The following BCL10 variants were observed in gnomAD, a reference collection of about 807,000 sequenced individuals.
BCL10 encodes the protein BCL10 immune signaling adaptor.
A neutral mutation model predicts 19.2 loss-of-function variants in BCL10; 5 were observed. That is an observed-to-expected ratio of 0.26 (90% CI 0.14 to 0.55). The LOEUF is 0.55. Among genes scored for constraint, BCL10 ranks in the 20% least tolerant of loss-of-function variants. BCL10 has a pLI of 0.94. For synonymous variants in BCL10, 110 were observed against 98.8 expected, an observed-to-expected ratio of 1.11 and a Z score of -0.67; for missense variants, 201 against 271.9, an observed-to-expected ratio of 0.74 and a Z score of 1.83.
chr1:85,268,986 G>A (rs1660285154), intron 2 of BCL10, among the ~76,000 whole-genome samples: 1 of 152,230 alleles, frequency 6.6e-6, no homozygotes, highest in South Asian at 2.1e-4. Flanking sequence ...GGTTGCCACT[G>A]CAGCAGTGTT....
intron 1 of BCL10, among the ~76,000 whole-genome samples, chr1:85,276,028 G>A (rs1288521425): frequency 6.6e-6 from 1 of 152,238 alleles, no homozygotes; most frequent in Non-Finnish European, 1.5e-5. Context: ...GGAGATGGGT[G>A]AGGAGTGGGC....
At position 85,266,876 on chromosome 1, in the gene BCL10, CAAA is replaced by C. The variant is rs71650007; in HGVS notation, c.*748_*750del. On this transcript the variant is annotated 3_prime_UTR_variant, in exon 3 of 3. Coordinates refer to ENST00000648566, the MANE Select transcript of BCL10 (RefSeq NM_003921.5). ...CCTGGGCGATAGAGCAAGACTGTCT[CAAA>C]AAAAAAAAAAAAAAAAAAAGAAAAA... The C allele has an allele frequency of 2.2e-3, 199 of 88,482 alleles. No individual in the cohort carries two copies. Among genetic ancestry groups the C allele is most frequent in the East Asian group, 0.01 (45 of 4,362 alleles). The allele number at this position is 88,482 out of a possible 1,614,324, so 5.5% of individuals were successfully genotyped here.
Position 85,270,808 on chromosome 1 carries a change from A to C in BCL10, c.156T>G (p.Thr52=). The change falls in exon 2 of 3, where the codon ACT becomes ACG. Residue 52 remains threonine, a synonymous_variant. Coordinates refer to ENST00000648566, the MANE Select transcript of BCL10 (RefSeq NM_003921.5). ...TTGATGTTCGACAAGAAATTTCTTC[A>C]GTGTCTTCTCTACTGAGTATTTTTT... is the stretch of plus-strand genomic sequence containing the variant. ...RAKKILSRED[T]EEISCRTSSR... is the part of the protein sequence containing the mutation. 6.2e-7 allele frequency: 1 copy of C among 1,613,974 alleles called. No homozygotes were observed. Among genetic ancestry groups the C allele is most frequent in the Non-Finnish European group, 8.5e-7 (1 of 1,180,008 alleles).
At chr1:85,269,890 A>T (rs975095115) in intron 2 of BCL10, among the ~76,000 whole-genome samples, 12 of 152,242 alleles carry the variant, frequency 7.9e-5, no homozygotes, top group Non-Finnish European at 1.5e-4. Flanking sequence ...GTTTAAAGTC[A>T]TGAATATTTT....
intron 2 of BCL10, among the ~76,000 whole-genome samples, chr1:85,269,064 G>A (rs1261935242): frequency 2.6e-5 from 4 of 152,192 alleles, no homozygotes; most frequent in Admixed American, 2.6e-4. Flanking sequence ...CCATTATCAC[G>A]GGAATGGGTT....
chr1:85,269,561 C>T (rs1051404460), intron 2 of BCL10, among the ~76,000 whole-genome samples: 1 of 152,200 alleles, frequency 6.6e-6, no homozygotes, highest in Non-Finnish European at 1.5e-5. Flanking sequence ...TTAGATATGG[C>T]TCAAAAGGGA....
intron 1 of BCL10, among the ~76,000 whole-genome samples, chr1:85,274,671 A>G (rs1660466104): frequency 6.6e-6 from 1 of 152,238 alleles, no homozygotes; most frequent in Non-Finnish European, 1.5e-5. Flanking sequence ...TGTAGGATAT[A>G]AAAGTAGATT....
chr1:85,267,851 A>T lies in BCL10; in HGVS notation c.478T>A (p.Ser160Thr), dbSNP rs1258904674. 1.9e-6 allele frequency: 3 copies of T among 1,613,900 alleles called. No homozygotes were observed. Among genetic ancestry groups the T allele is most frequent in the Middle Eastern group, 3.3e-4 (2 of 6,060 alleles). Residue 160 changes from serine (S) to threonine (T), a missense_variant, in exon 3 of 3, where the codon TCC becomes ACC. Around this residue, in one of 3 missense-constraint regions of BCL10, gnomAD observed 126 missense variants for 136.6 expected, o/e 0.92. Transcript: ENST00000648566. Reference protein sequence around the residue: ...STVMYHPEGESSTTPFFSTNS... With the variant: ...STVMYHPEGETSTTPFFSTNS... ...GTAGAAAAAAAGGGCGTCGTGCTGG[A>T]TTCTCCTTCTGGATGGTACATGACA...
At chr1:85,271,074 T>G (rs1334083794) in intron 1 of BCL10, among the ~76,000 whole-genome samples, 168 bp from the exon 2 acceptor site, 1 of 152,186 alleles carries the variant, frequency 6.6e-6, no homozygotes, top group Non-Finnish European at 1.5e-5. Flanking sequence ...TAGACACAAG[T>G]AGGTCCTAGA....
intron 1 of BCL10, among the ~76,000 whole-genome samples, chr1:85,272,185 C>T (rs1026046659): frequency 6.6e-6 from 1 of 152,146 alleles, no homozygotes; most frequent in African/African-American, 2.4e-5. Context: ...CCTTCCCCCT[C>T]CTCAACATTT....
chr1:85,276,145 T>TGC, intron 1 of BCL10, 151 bp downstream of exon 1: 1 of 909,294 alleles, frequency 1.1e-6, no homozygotes, highest in Non-Finnish European at 1.7e-6. Flanking sequence ...GTCCCTCGGA[T>TGC]GCAGGGCTCG....
At chr1:85,271,312 G>A (rs568859221) in intron 1 of BCL10, among the ~76,000 whole-genome samples, 2 of 152,334 alleles carry the variant, frequency 1.3e-5, no homozygotes, top group South Asian at 4.1e-4. Flanking sequence ...AGGTCTCACA[G>A]TCTGTAACTT....
chr1:85,274,740 T>G (rs983592493), intron 1 of BCL10, among the ~76,000 whole-genome samples: 4 of 152,238 alleles, frequency 2.6e-5, no homozygotes, highest in African/African-American at 9.6e-5. Context: ...AATATGTGGA[T>G]AATTTTAAAA....
At position 85,273,896 on chromosome 1, in the gene BCL10, C is replaced by A. The variant is rs571731254; in HGVS notation, c.57+2400G>T. Among the ~76,000 whole-genome samples the A allele has an allele frequency of 7.2e-5, 11 of 152,304 alleles. No individual in the cohort carries two copies. The East Asian group carries it at 1.5e-3, about 21-fold the overall frequency. Reference sequence around the variant, plus strand: ...CCTACTATACTTGGGGGGAAAAAAACCCCAGATACTTTACTAAAAGGCTCT... The same window carrying A: ...CCTACTATACTTGGGGGGAAAAAAAACCCAGATACTTTACTAAAAGGCTCT... On this transcript the variant is annotated intron_variant, in intron 1 of 2. Coordinates refer to ENST00000648566, the MANE Select transcript of BCL10 (RefSeq NM_003921.5).
Position 85,276,427 on chromosome 1 carries a change from C to T in BCL10, c.-75G>A. 1.8e-5 allele frequency: 27 copies of T among 1,535,586 alleles called. No individual in the cohort carries two copies. The highest frequency in any genetic ancestry group is 2.2e-5 in the Non-Finnish European group (24 of 1,111,548). The stretch of plus-strand genomic sequence containing the variant: ...GCCGCCCCGCCCTGGCTGGGGGCTT[C>T]GGCCTCCGGGTAATGGGGAAGAAGG... On this transcript the variant is annotated 5_prime_UTR_variant, in exon 1 of 3. Coordinates refer to ENST00000648566, the MANE Select transcript of BCL10 (RefSeq NM_003921.5).
Position 85,266,876 on chromosome 1 carries a change from CAAAAAAAAA to C in BCL10, c.*742_*750del, listed in dbSNP as rs71650007. 16 of 88,538 alleles carry C rather than the reference CAAAAAAAAA, an allele frequency of 1.8e-4. No individual in the cohort carries two copies. Among genetic ancestry groups the C allele is most frequent in the East Asian group, 4.6e-4 (2 of 4,378 alleles). The allele number at this position is 88,538 out of a possible 1,614,324, so 5.5% of individuals were successfully genotyped here. A position where few individuals can be genotyped will look rare whatever the true frequency, so the allele number is the denominator to read the frequency against. On this transcript the variant is annotated 3_prime_UTR_variant, in exon 3 of 3. Transcript: ENST00000648566. Reference sequence around the variant, plus strand: ...CCTGGGCGATAGAGCAAGACTGTCTCAAAAAAAAAAAAAAAAAAAAAAGAAAAAAGGAAA... The same window carrying C: ...CCTGGGCGATAGAGCAAGACTGTCTCAAAAAAAAAAAAAGAAAAAAGGAAA...
chr1:85,276,089 T>G (rs947722842), intron 1 of BCL10, among the ~76,000 whole-genome samples: 2 of 152,240 alleles, frequency 1.3e-5, no homozygotes, highest in African/African-American at 4.8e-5. Flanking sequence ...CGTTTAGCGA[T>G]GTAAAACCTG....
rs2100748058 is a variant in BCL10 at position 85,270,840 on chromosome 1, G to A, written c.124C>T (p.Arg42Cys). ...TCTCTACTGAGTATTTTTTTTGCACGTAGATGATCAAAATGTCTCTCAGCT... is the reference window on the plus strand; with the variant it reads ...TCTCTACTGAGTATTTTTTTTGCACATAGATGATCAAAATGTCTCTCAGCT... Reference protein sequence around the residue: ...IIAERHFDHLRAKKILSREDT... With the variant: ...IIAERHFDHLCAKKILSREDT... Residue 42 changes from arginine (R) to cysteine (C), a missense_variant, in exon 2 of 3, where the codon CGT (arginine) becomes TGT (cysteine). This residue lies in a region of BCL10 where 51 missense variants were observed against 118.8 expected (regional missense o/e 0.43). Coordinates refer to ENST00000648566, the MANE Select transcript of BCL10 (RefSeq NM_003921.5). 6.2e-7 allele frequency: 1 copy of A among 1,613,204 alleles called. No homozygotes were observed. The highest frequency in any genetic ancestry group is 8.5e-7 in the Non-Finnish European group (1 of 1,179,892).
chr1:85,270,051 T>C (rs949366872), intron 2 of BCL10, among the ~76,000 whole-genome samples: 2 of 152,236 alleles, frequency 1.3e-5, no homozygotes, highest in Non-Finnish European at 2.9e-5. Context: ...GAGCTTACTC[T>C]TGAATAGATT....
Sources: allele counts gnomAD v4.1 joint callset (sites outside exome capture counted in the v4.1 genomes callset), GRCh38; gene constraint gnomAD v4.1.1; regional missense constraint gnomAD v4.1.1; transcripts MANE v1.5; gene names NCBI Gene and HGNC (gene_info 2026-07-23, HGNC 2026-07-21).